The following C1orf167 variants were observed in gnomAD, a reference collection of about 807,000 sequenced individuals.
C1orf167 encodes uncharacterized protein C1orf167.
A neutral mutation model predicts 176.5 loss-of-function variants in C1orf167; 153 were observed. The ratio of observed to expected loss-of-function variants is 0.87; its 90% CI spans 0.76 to 0.99. The LOEUF (loss-of-function observed/expected upper bound fraction) is 0.99. Among genes scored for constraint, C1orf167 ranks in the 50% least tolerant of loss-of-function variants. The probability of loss-of-function intolerance (pLI) is 0.00; values close to 1 mark genes in which losing one functional copy is unlikely to be tolerated. For synonymous variants in C1orf167, 594 were observed against 752.7 expected (o/e 0.79, Z 3.45); for missense variants, 1,490 against 1,817.7 (o/e 0.82, Z 3.28).
intron 10 of C1orf167, 95 bp from the exon 11 acceptor site, chr1:11,778,565 C>G (rs1434711552): frequency 4.5e-5 from 50 of 1,105,174 alleles, no homozygotes; most frequent in Non-Finnish European, 5.8e-5. Flanking sequence ...CAGCCCATCT[C>G]TTTCACAGCG....
Position 11,766,484 on chromosome 1 carries a change from C to T in C1orf167, c.698C>T (p.Ser233Phe). 1 of 1,285,136 alleles carries T rather than the reference C, an allele frequency of 7.8e-7. No individual in the cohort carries two copies. Among genetic ancestry groups the T allele is most frequent in the Non-Finnish European group, 1.0e-6 (1 of 986,396 alleles). The allele number at this position is 1,285,136 out of a possible 1,614,324, so 79.6% of individuals were successfully genotyped here. Residue 233 changes from serine (S) to phenylalanine (F), a missense_variant, in exon 3 of 21, where the codon TCC becomes TTC. By Grantham distance (155) the Ser-to-Phe change is radical. Transcript: ENST00000688073. The surrounding 1 kb of genome is among the most constrained non-coding windows in gnomAD (Gnocchi z 4.5). ...AGTCAGAACCAGACTCAGGCCCCAT[C>T]CCGTGCTGCCGTCCACCAGCTGCTG... ...VPSQNQTQAP[S>F]RAAVHQLLAS...
chr1:11,785,299 A>G lies in C1orf167; in HGVS notation c.3567+10A>G. 1 of 1,281,934 alleles carries G rather than the reference A, an allele frequency of 7.8e-7. No individual in the cohort carries two copies. Among genetic ancestry groups the G allele is most frequent in the Non-Finnish European group, 1.0e-6 (1 of 982,368 alleles). 79.4% of individuals were successfully genotyped at this position (1,281,934 alleles called of 1,614,324 possible). Reference sequence around the variant, plus strand: ...GCCAGGGGCCGGCAAGGTACGCCCCAAGCCCCAGACTGACCTCACGCTCTG... The same window carrying G: ...GCCAGGGGCCGGCAAGGTACGCCCCGAGCCCCAGACTGACCTCACGCTCTG... On this transcript the variant is annotated intron_variant, in intron 16 of 20. Transcript: ENST00000688073.
At chr1:11,782,383 T>C in intron 14 of C1orf167, 50 bp downstream of exon 14, 1 of 1,167,154 alleles carries the variant, frequency 8.6e-7, no homozygotes. Context: ...ACGCAAGGAA[T>C]AGCAAGGAGA....
intron 16 of C1orf167, 96 bp from the exon 17 acceptor site, chr1:11,787,292 G>A: frequency 1.6e-6 from 1 of 619,226 alleles, no homozygotes; most frequent in Non-Finnish European, 2.3e-6. Flanking sequence ...AGGCCGGGAT[G>A]TGTCCTGCCA....
Position 11,789,564 on chromosome 1 carries a change from T to A in C1orf167, c.*118T>A, listed in dbSNP as rs918311511. On this transcript the variant is annotated 3_prime_UTR_variant, in exon 21 of 21. Coordinates refer to ENST00000688073, the MANE Select transcript of C1orf167 (RefSeq NM_001010881.2). Reference sequence around the variant, plus strand: ...CAGCTTGAAGAGCTCTGAAGGACAATAAAACCCACTCCTCAGTCCTAGCTG... The same window carrying A: ...CAGCTTGAAGAGCTCTGAAGGACAAAAAAACCCACTCCTCAGTCCTAGCTG... The A allele has an allele frequency of 8.4e-6, 8 of 951,448 alleles. No homozygotes were observed. In the African/African-American group the frequency reaches 1.2e-4, roughly 14 times the overall value. The allele number at this position is 951,448 out of a possible 1,614,324, so 58.9% of individuals were successfully genotyped here. A position where few individuals can be genotyped will look rare whatever the true frequency, so the allele number is the denominator to read the frequency against.
At chr1:11,776,882 G>A (rs1483656050) in intron 10 of C1orf167, among the ~76,000 whole-genome samples, 1 of 152,194 alleles carries the variant, frequency 6.6e-6, no homozygotes, top group African/African-American at 2.4e-5. Flanking sequence ...GGGGGCCAGG[G>A]GGCTGCCAGA....
rs1411778537 is a variant in C1orf167 at position 11,788,215 on chromosome 1, G to T, written c.3915G>T (p.Leu1305=). 5 of 1,303,414 alleles carry T rather than the reference G, an allele frequency of 3.8e-6. No homozygotes were observed. The South Asian group carries it at 6.2e-5, about 16-fold the overall frequency. The allele number at this position is 1,303,414 out of a possible 1,614,324, so 80.7% of individuals were successfully genotyped here. ...ATGGCTCTGCCCTCCTTCTGGCCCTGAAGGGTCACGATGCTCTTGGCCATC... is the reference window on the plus strand; with the variant it reads ...ATGGCTCTGCCCTCCTTCTGGCCCTTAAGGGTCACGATGCTCTTGGCCATC... The part of the protein sequence containing the change: ...QAHGSALLLA[L]KGHDALGHQE... The change falls in exon 19 of 21, where the codon CTG becomes CTT. Residue 1305 remains leucine (L), a synonymous_variant. Transcript: ENST00000688073.
intron 1 of C1orf167, among the ~76,000 whole-genome samples, chr1:11,763,165 T>A (rs559340988): frequency 2.6e-5 from 4 of 151,994 alleles, no homozygotes; most frequent in African/African-American, 4.8e-5. Context: ...CGGGGCTGGG[T>A]GTGGTGGCTC....
Position 11,787,779 on chromosome 1 carries a change from C to A in C1orf167, c.3674-94C>A, listed in dbSNP as rs932603125. ...AGGCTAAGCTCAGCACCTTCCTCCA[C>A]CCTCCTCACTGTACTCAACTCCTAG... On this transcript the variant is annotated intron_variant, in intron 17 of 20. Coordinates refer to ENST00000688073, the MANE Select transcript of C1orf167 (RefSeq NM_001010881.2). 2.0e-5 allele frequency: 23 copies of A among 1,175,798 alleles called. 1 individual carries two copies. The Admixed American group carries it at 6.0e-4, about 31-fold the overall frequency. 72.8% of individuals were successfully genotyped at this position (1,175,798 alleles called of 1,614,324 possible).
chr1:11,774,774 G>A (rs1291819090), intron 8 of C1orf167, among the ~76,000 whole-genome samples: 4 of 152,312 alleles, frequency 2.6e-5, no homozygotes, highest in South Asian at 4.1e-4. Flanking sequence ...GGAGGCTACC[G>A]CTGGAGGATT....
chr1:11,765,785 AG>A, intron 2 of C1orf167, 71 bp from the exon 3 acceptor site: 1 of 1,157,822 alleles, frequency 8.6e-7, no homozygotes, highest in Non-Finnish European at 1.1e-6. Context: ...CCTGGCTCCG[AG>A]GCCTGGAGAG....
At chr1:11,763,746 A>G (rs922684297) in intron 1 of C1orf167, among the ~76,000 whole-genome samples, 1 of 152,188 alleles carries the variant, frequency 6.6e-6, no homozygotes, top group Non-Finnish European at 1.5e-5. Context: ...GTCGGGCGTG[A>G]GGACGAGGCA....
chr1:11,785,461 G>A (rs2151655), intron 16 of C1orf167, among the ~76,000 whole-genome samples, 172 bp downstream of exon 16: 1 of 152,034 alleles, frequency 6.6e-6, no homozygotes, highest in Non-Finnish European at 1.5e-5. Flanking sequence ...TGATTCAGCC[G>A]GTGGTGGCAG....
chr1:11,770,494 G>A (rs1407544790), intron 6 of C1orf167, among the ~76,000 whole-genome samples: 1 of 147,964 alleles, frequency 6.8e-6, no homozygotes, highest in Non-Finnish European at 1.5e-5. Flanking sequence ...TGCCCAGGCT[G>A]GAGTGTGTGG....
intron 7 of C1orf167, 38 bp downstream of exon 7, chr1:11,771,674 C>T (rs1643086748): frequency 2.4e-6 from 3 of 1,263,180 alleles, no homozygotes; most frequent in South Asian, 1.2e-5. Context: ...GGAGATGGAG[C>T]CTGGCCACGC....
intron 14 of C1orf167, 86 bp from the exon 15 acceptor site, chr1:11,784,088 C>G (rs1273718215): frequency 8.7e-7 from 1 of 1,145,500 alleles, no homozygotes; most frequent in East Asian, 6.1e-5. Context: ...AAACTGACTT[C>G]AGGTGATCCA....
At chr1:11,788,128 A>G in intron 18 of C1orf167, 21 bp from the exon 19 acceptor site, 1 of 1,278,958 alleles carries the variant, frequency 7.8e-7, no homozygotes. Flanking sequence ...CCATGGCTAC[A>G]GCTGGGCCCT....
At position 11,769,674 on chromosome 1, in the gene C1orf167, G is replaced by GTTTT. The variant is rs70983593; in HGVS notation, c.1697+559_1697+562dup. Among the ~76,000 whole-genome samples the GTTTT allele has an allele frequency of 2.6e-4, 37 of 142,180 alleles. 1 individual carries two copies. Among genetic ancestry groups the GTTTT allele is most frequent in the South Asian group, 1.3e-3 (6 of 4,466 alleles). 93.3% of individuals were successfully genotyped at this position (142,180 alleles called of 152,430 possible). On this transcript the variant is annotated intron_variant, in intron 6 of 20. Transcript: ENST00000688073. ...AACCATCCAATATGATGTTTAGGAA[G>GTTTT]TTTTTTTTTTTTTTTGAGATGGAGT...
Position 11,787,894 on chromosome 1 carries a change from GC to G in C1orf167, c.3698del (p.Pro1233LeufsTer73), listed in dbSNP as rs1643933428. The stretch of plus-strand genomic sequence containing the variant: ...CCAGGGTGCAGGGAACATTCCCTCT[GC>G]CCTGCCTTCCAGCTCTGGCCACAGT... The part of the protein sequence containing the change: ...WAQRCREHSL[C>X]PAFQLWPQWP... On this transcript the variant is annotated frameshift_variant, in exon 18 of 21. Coordinates refer to ENST00000688073, the MANE Select transcript of C1orf167 (RefSeq NM_001010881.2). LOFTEE classifies it high-confidence loss of function. 3 of 1,241,156 alleles carry G rather than the reference GC, an allele frequency of 2.4e-6. No individual in the cohort carries two copies. The highest frequency in any genetic ancestry group is 3.1e-6 in the Non-Finnish European group (3 of 958,236). 76.9% of individuals were successfully genotyped at this position (1,241,156 alleles called of 1,614,324 possible). A position where few individuals can be genotyped will look rare whatever the true frequency, so the allele number is the denominator to read the frequency against.
Sources: allele counts gnomAD v4.1 joint callset (sites outside exome capture counted in the v4.1 genomes callset), GRCh38; gene constraint gnomAD v4.1.1; non-coding constraint Gnocchi (gnomAD v3.1); transcripts MANE v1.5; gene names NCBI Gene and HGNC (gene_info 2026-07-23, HGNC 2026-07-21).